PAPPA2: variants seen among roughly 807,000 people sequenced by gnomAD.
PAPPA2 encodes the protein pappalysin-2.
A neutral mutation model predicts 176.4 loss-of-function variants in PAPPA2; 86 were observed. The observed-to-expected ratio is 0.49, with a 90% CI of 0.41 to 0.58. PAPPA2 has a LOEUF of 0.58. Ranked by LOEUF, PAPPA2 falls within the 20% of genes least tolerant of loss-of-function variation. The pLI, the probability that PAPPA2 is intolerant of heterozygous loss-of-function variation, is 0.00. For missense variants in PAPPA2, 2,073 were observed against 2,256.9 expected (o/e 0.92, Z 1.65); for synonymous variants, 809 against 852.2 (o/e 0.95, Z 0.88).
At chr1:176,603,930 A>C (rs1299802684) in intron 3 of PAPPA2, among the ~76,000 whole-genome samples, 2 of 152,178 alleles carry the variant, frequency 1.3e-5, no homozygotes, top group East Asian at 3.8e-4. Context: ...GCTTATTCAG[A>C]ATCAAAGCCA....
At chr1:176,687,314 A>G (rs1419134055) in intron 4 of PAPPA2, among the ~76,000 whole-genome samples, 2 of 152,144 alleles carry the variant, frequency 1.3e-5, no homozygotes, top group Admixed American at 6.5e-5. Flanking sequence ...ACCCTGGCCA[A>G]TTGTCCTGGG....
At chr1:176,721,631 T>G (rs1395104471) in intron 12 of PAPPA2, among the ~76,000 whole-genome samples, 1 of 152,214 alleles carries the variant, frequency 6.6e-6, no homozygotes, top group Non-Finnish European at 1.5e-5. Context: ...GAGAGTTAGC[T>G]GTACATCTGA....
At chr1:176,492,882 A>G (rs1282307534) in intron 1 of PAPPA2, among the ~76,000 whole-genome samples, 1 of 152,200 alleles carries the variant, frequency 6.6e-6, no homozygotes, top group Admixed American at 6.5e-5. Flanking sequence ...TGAAGGTTGA[A>G]TAGAAATTTA....
intron 9 of PAPPA2, among the ~76,000 whole-genome samples, chr1:176,705,059 A>G (rs1660821101): frequency 6.6e-6 from 1 of 152,208 alleles, no homozygotes; most frequent in Non-Finnish European, 1.5e-5. Flanking sequence ...CTCCAAGATT[A>G]TTCCTGGACC....
At position 176,765,727 on chromosome 1, in the gene PAPPA2, G is replaced by T; in HGVS notation, c.4213G>T (p.Asp1405Tyr). Residue 1405 changes from aspartate (D) to tyrosine (Y), a missense_variant, in exon 15 of 23, where the codon GAT (aspartate) becomes TAT (tyrosine). Physicochemically the swap from Asp to Tyr is radical, Grantham distance 160. This residue lies in a region of PAPPA2 where 846 missense variants were observed against 857.9 expected (regional missense o/e 0.99). Coordinates refer to ENST00000367662, the MANE Select transcript of PAPPA2 (RefSeq NM_020318.3). ...TCCGTCATTGCTGCTTGATCATGCT[G>T]ATGTGGTGAACTGTACCTCTATAGG... ...SCPSLLLDHA[D>Y]VVNCTSIGPG... The T allele has an allele frequency of 6.2e-7, 1 of 1,614,090 alleles. No individual in the cohort carries two copies. The highest frequency in any genetic ancestry group is 8.5e-7 in the Non-Finnish European group (1 of 1,180,024).
chr1:176,769,737 T>A lies in PAPPA2; in HGVS notation c.4454T>A (p.Phe1485Tyr). The A allele has an allele frequency of 5.0e-6, 8 of 1,613,082 alleles. No homozygotes were observed. Among genetic ancestry groups the A allele is most frequent in the Non-Finnish European group, 6.8e-6 (8 of 1,179,758 alleles). Residue 1485 changes from phenylalanine to tyrosine, a missense_variant, in exon 16 of 23, where the codon TTT (phenylalanine) becomes TAT (tyrosine). Physicochemically the swap from Phe to Tyr is conservative, Grantham distance 22 (BLOSUM62 3). This residue lies in a region of PAPPA2 where 846 missense variants were observed against 857.9 expected (regional missense o/e 0.99). Coordinates refer to ENST00000367662, the MANE Select transcript of PAPPA2 (RefSeq NM_020318.3). ...ANFSCSEGTK[F>Y]LKRCSISCVP... The stretch of plus-strand genomic sequence containing the variant: ...TTCTCCTGCTCAGAGGGAACCAAAT[T>A]TCTGAAACGCTGCTCAATCTCTTGT...
intron 1 of PAPPA2, among the ~76,000 whole-genome samples, chr1:176,516,367 C>T (rs1648913681): frequency 6.6e-6 from 1 of 151,954 alleles, no homozygotes; most frequent in Non-Finnish European, 1.5e-5. Flanking sequence ...CCCCACTCCC[C>T]CATCCCCTGC....
chr1:176,796,770 C>G (rs1571341631), intron 20 of PAPPA2, among the ~76,000 whole-genome samples: 1 of 138,612 alleles, frequency 7.2e-6, no homozygotes, highest in Non-Finnish European at 1.5e-5. Context: ...CTCTTTCTTT[C>G]TTTCTTCCCT....
At chr1:176,704,611 A>T (rs75112759) in intron 9 of PAPPA2, among the ~76,000 whole-genome samples, 4,914 of 152,294 alleles carry the variant, frequency 0.032, 122 homozygotes, top group Non-Finnish European at 0.048. Flanking sequence ...AGTAATTTAT[A>T]TTTAGTTTAA....
intron 1 of PAPPA2, among the ~76,000 whole-genome samples, chr1:176,514,630 C>G (rs1055174542): frequency 2.0e-5 from 3 of 152,240 alleles, no homozygotes; most frequent in African/African-American, 4.8e-5. Context: ...AGCCTAGGCT[C>G]ATCACTGACA....
intron 10 of PAPPA2, among the ~76,000 whole-genome samples, chr1:176,708,528 T>C (rs900805216): frequency 1.3e-5 from 1 of 78,420 alleles, no homozygotes; most frequent in African/African-American, 4.0e-5. Flanking sequence ...TATACGTACA[T>C]GTAGAGAGAG....
rs746786837 is a variant in PAPPA2 at position 176,556,785 on chromosome 1, G to A, written c.463G>A (p.Glu155Lys). ...TTATCTCGGCAATCAAAGATCCAAG[G>A]AGTCTCTAGGTGAGGCCGGGATTCA... ...DAYLGNQRSK[E>K]SLGEAGIQKG... The change falls in exon 2 of 23, where the codon GAG becomes AAG. Residue 155 changes from glutamate (E) to lysine (K), a missense_variant. By Grantham distance (56) the Glu-to-Lys change is moderately conservative. Transcript: ENST00000367662. 24 of 1,613,988 alleles carry A rather than the reference G, an allele frequency of 1.5e-5. No individual in the cohort carries two copies. The East Asian group carries it at 4.5e-4, about 30-fold the overall frequency.
At chr1:176,775,364 GTGATAGAGATCCC>G in intron 17 of PAPPA2, among the ~76,000 whole-genome samples, 1 of 152,226 alleles carries the variant, frequency 6.6e-6, no homozygotes, top group South Asian at 2.1e-4. Flanking sequence ...TTCTTATGCG[GTGATAGAGATCCC>G]TGTTTCAAAT....
At chr1:176,822,350 G>A (rs1666698688) in intron 21 of PAPPA2, among the ~76,000 whole-genome samples, 1 of 152,144 alleles carries the variant, frequency 6.6e-6, no homozygotes. Flanking sequence ...ACTTTTGGAA[G>A]CTGAGTATCT....
intron 3 of PAPPA2, among the ~76,000 whole-genome samples, chr1:176,648,062 C>A (rs1657514839): frequency 6.6e-6 from 1 of 151,494 alleles, no homozygotes; most frequent in Admixed American, 6.6e-5. Context: ...TTCTTCCAAT[C>A]CATAAGCTTG....
chr1:176,728,800 A>T (rs1661998996), intron 12 of PAPPA2, among the ~76,000 whole-genome samples: 1 of 151,962 alleles, frequency 6.6e-6, no homozygotes, highest in Non-Finnish European at 1.5e-5. Flanking sequence ...TGGAACAGGG[A>T]AGTTCAGAAG....
chr1:176,504,734 A>T (rs1274171130), intron 1 of PAPPA2, among the ~76,000 whole-genome samples: 1 of 152,164 alleles, frequency 6.6e-6, no homozygotes, highest in African/African-American at 2.4e-5. Flanking sequence ...ATGGATAGCC[A>T]TGTGACCTGC....
intron 9 of PAPPA2, 54 bp downstream of exon 9, chr1:176,702,789 G>A: frequency 6.4e-7 from 1 of 1,569,278 alleles, no homozygotes; most frequent in Non-Finnish European, 8.7e-7. Context: ...GAGAGAGAGA[G>A]AGAGAGAGAG....
chr1:176,623,655 C>CTTTCTTTT (rs1553375868), intron 3 of PAPPA2, among the ~76,000 whole-genome samples: 110 of 132,406 alleles, frequency 8.3e-4, no homozygotes, highest in African/African-American at 3.0e-3. Context: ...TTCTTTCTTT[C>CTTTCTTTT]TTTCTTTCTT....
Sources: gnomAD v4.1 joint callset for allele counts (sites outside exome capture counted in the v4.1 genomes callset) on GRCh38, gnomAD v4.1.1 for gene constraint, gnomAD v4.1.1 regional missense constraint, MANE v1.5 for transcripts, NCBI Gene and HGNC (gene_info 2026-07-23, HGNC 2026-07-21) for gene names.